The following SAMD4A variants were observed in gnomAD, a reference collection of about 807,000 sequenced individuals.
SAMD4A encodes the protein protein Smaug homolog 1.
In SAMD4A, 33 loss-of-function variants were observed where a neutral mutation model predicts 81.3. The ratio of observed to expected loss-of-function variants is 0.41; its 90% CI spans 0.31 to 0.54. The LOEUF (loss-of-function observed/expected upper bound fraction) is 0.54. Among genes scored for constraint, SAMD4A ranks in the 20% least tolerant of loss-of-function variants. The pLI is 0.37. For missense variants in SAMD4A, 854 were observed against 951.1 expected (o/e 0.90, Z 1.34); for synonymous variants, 389 against 382.1 (o/e 1.02, Z -0.21).
At chr14:54,661,365 A>G (rs925898724) in intron 2 of SAMD4A, among the ~76,000 whole-genome samples, 5 of 152,188 alleles carry the variant, frequency 3.3e-5, no homozygotes, top group African/African-American at 9.7e-5. Context: ...TTATTCCCAA[A>G]GAGTTCGAAG....
chr14:54,586,147 C>T (rs112595337), intron 2 of SAMD4A, among the ~76,000 whole-genome samples: 44 of 152,124 alleles, frequency 2.9e-4, no homozygotes, highest in Middle Eastern at 6.8e-3. Context: ...GAGATGGTAT[C>T]GCATTGTGGT....
At chr14:54,655,357 T>G (rs193116755) in intron 2 of SAMD4A, among the ~76,000 whole-genome samples, 2 of 152,256 alleles carry the variant, frequency 1.3e-5, no homozygotes, top group East Asian at 3.9e-4. Context: ...TTTATTCCAG[T>G]CAAGTTAAGG....
chr14:54,686,641 T>C (rs1356235930), intron 2 of SAMD4A, among the ~76,000 whole-genome samples: 1 of 151,798 alleles, frequency 6.6e-6, no homozygotes, highest in Non-Finnish European at 1.5e-5. Context: ...ATTATGAATG[T>C]GAAAAAAAGA....
chr14:54,601,639 A>G (rs1307036240), intron 2 of SAMD4A, among the ~76,000 whole-genome samples: 1 of 152,214 alleles, frequency 6.6e-6, no homozygotes, highest in Non-Finnish European at 1.5e-5. Context: ...GAATGGCAGG[A>G]TTAGAGTAAT....
chr14:54,764,592 G>T lies in SAMD4A; in HGVS notation c.1596+52G>T, dbSNP rs753404253. 38 of 1,199,346 alleles carry T rather than the reference G, an allele frequency of 3.2e-5. 1 individual carries two copies. The South Asian group carries it at 4.4e-4, about 14-fold the overall frequency. 74.3% of individuals were successfully genotyped at this position (1,199,346 alleles called of 1,614,324 possible). On this transcript the variant is annotated intron_variant, in intron 8 of 12. Coordinates refer to ENST00000554335, the MANE Select transcript of SAMD4A (RefSeq NM_015589.6). ...CATTTTTTTTTTATTGCTTAGAAAT[G>T]GTTCTCAGAGTTTCTGTGATGTGAT...
intron 3 of SAMD4A, among the ~76,000 whole-genome samples, chr14:54,705,110 G>A (rs1250281118): frequency 6.6e-6 from 1 of 152,196 alleles, no homozygotes; most frequent in African/African-American, 2.4e-5. Flanking sequence ...GAGGGCTGTA[G>A]TGAAGGTAAA....
At chr14:54,662,272 G>A (rs1422147038) in intron 2 of SAMD4A, among the ~76,000 whole-genome samples, 3 of 152,222 alleles carry the variant, frequency 2.0e-5, no homozygotes, top group Non-Finnish European at 4.4e-5. Context: ...CCATTTAGAT[G>A]AGACTTGAAG....
rs567831973 is a variant in SAMD4A at position 54,727,166 on chromosome 14, C to CTTTTTTTTTTTTT, written c.716-9829_716-9817dup. Among the ~76,000 whole-genome samples the CTTTTTTTTTTTTT allele has an allele frequency of 3.2e-3, 192 of 59,182 alleles. 52 individuals carry two copies. The highest frequency in any genetic ancestry group is 5.1e-3 in the Non-Finnish European group (152 of 29,780). 38.8% of individuals were successfully genotyped at this position (59,182 alleles called of 152,430 possible). A position where few individuals can be genotyped will look rare whatever the true frequency, so the allele number is the denominator to read the frequency against. ...TTATCACAACAGCCTTCTTTTTTTC[C>CTTTTTTTTTTTTT]TTTTTTTTTTTTTTTTTTTTTTTTT... On this transcript the variant is annotated intron_variant, in intron 3 of 12. Coordinates refer to ENST00000554335, the MANE Select transcript of SAMD4A (RefSeq NM_015589.6).
chr14:54,601,820 C>T (rs2034059672), intron 2 of SAMD4A, among the ~76,000 whole-genome samples: 1 of 152,146 alleles, frequency 6.6e-6, no homozygotes. Context: ...TACTCTAACC[C>T]CTCAGACACT....
chr14:54,790,488 T>G lies in SAMD4A; in HGVS notation c.*1544T>G, dbSNP rs906283424. ...GGTACCTACCACAAAGTAATAGCTC[T>G]GTTTATGAAGGGCAAGAAAGGCTAC... is the stretch of plus-strand genomic sequence containing the variant. On this transcript the variant is annotated 3_prime_UTR_variant, in exon 13 of 13. Coordinates refer to ENST00000554335, the MANE Select transcript of SAMD4A (RefSeq NM_015589.6). The G allele has an allele frequency of 6.6e-6, 1 of 152,216 alleles. No homozygotes were observed. Among genetic ancestry groups the G allele is most frequent in the African/African-American group, 2.4e-5 (1 of 41,444 alleles). The allele number at this position is 152,216 out of a possible 1,614,324, so 9.4% of individuals were successfully genotyped here.
intron 2 of SAMD4A, among the ~76,000 whole-genome samples, chr14:54,625,747 G>A (rs988607680): frequency 4.6e-5 from 7 of 152,110 alleles, no homozygotes; most frequent in African/African-American, 1.4e-4. Context: ...TCAAAATTTT[G>A]AACTCACCTT....
At chr14:54,748,723 C>A in intron 4 of SAMD4A, 92 bp from the exon 5 acceptor site, 1 of 831,120 alleles carries the variant, frequency 1.2e-6, no homozygotes, top group Non-Finnish European at 2.0e-6. Context: ...TGACCATCAC[C>A]CTCTTTTCCT....
At position 54,702,097 on chromosome 14, in the gene SAMD4A, A is replaced by G; in HGVS notation, c.232A>G (p.Lys78Glu). The G allele has an allele frequency of 6.2e-7, 1 of 1,614,152 alleles. No homozygotes were observed. Among genetic ancestry groups the G allele is most frequent in the Non-Finnish European group, 8.5e-7 (1 of 1,179,992 alleles). ...INQWQQESKD[K>E]VISLLLTHLP... is the part of the protein sequence containing the mutation. ...CCAATGGCAACAGGAATCCAAGGAT[A>G]AAGTGATTTCCCTCCTGTTAACTCA... Residue 78 changes from lysine to glutamate, a missense_variant, in exon 3 of 13, where the codon AAA (lysine) becomes GAA (glutamate). Transcript: ENST00000554335.
In SAMD4A at chr14:54,580,173, G is replaced by A. The variant is rs146083235; in HGVS notation, c.196+12061G>A. ...GGAAGAGCTGGTGTTAGATCCAGTC[G>A]CTTCCCGACTTTGACCTAGACTTTG... On this transcript the variant is annotated intron_variant, in intron 2 of 12. Coordinates refer to ENST00000554335, the MANE Select transcript of SAMD4A (RefSeq NM_015589.6). Among the ~76,000 whole-genome samples, 32 of 152,280 alleles carry A rather than the reference G, an allele frequency of 2.1e-4. No individual in the cohort carries two copies. In the East Asian group the frequency reaches 4.2e-3, roughly 20 times the overall value.
chr14:54,785,466 G>T (rs1390829695), intron 12 of SAMD4A, among the ~76,000 whole-genome samples: 1 of 152,196 alleles, frequency 6.6e-6, no homozygotes, highest in Non-Finnish European at 1.5e-5. Flanking sequence ...TTCCTGGGAG[G>T]CTCTGTGCCA....
At chr14:54,786,656 C>T (rs1277392965) in intron 12 of SAMD4A, among the ~76,000 whole-genome samples, 1 of 152,170 alleles carries the variant, frequency 6.6e-6, no homozygotes, top group Non-Finnish European at 1.5e-5. Context: ...GGAGAACTGA[C>T]CTTTTCCCCC....
chr14:54,630,774 G>T lies in SAMD4A; in HGVS notation c.196+62662G>T, dbSNP rs187454935. 5.9e-5 allele frequency among the ~76,000 whole-genome samples: 9 copies of T among 151,898 alleles called. No individual in the cohort carries two copies. The East Asian group carries it at 1.7e-3, about 29-fold the overall frequency. On this transcript the variant is annotated intron_variant, in intron 2 of 12. Transcript: ENST00000554335. ...GAGGAAGCAACATGTATTAGTCAGGGTTCTCCAGAGAAAAAGAGCCAATAG... is the reference window on the plus strand; with the variant it reads ...GAGGAAGCAACATGTATTAGTCAGGTTTCTCCAGAGAAAAAGAGCCAATAG...
At position 54,600,083 on chromosome 14, in the gene SAMD4A, G is replaced by A. The variant is rs2034014933; in HGVS notation, c.196+31971G>A. Among the ~76,000 whole-genome samples the A allele has an allele frequency of 1.3e-5, 2 of 152,118 alleles. 1 individual carries two copies. Among genetic ancestry groups the A allele is most frequent in the South Asian group, 4.1e-4 (2 of 4,826 alleles). On this transcript the variant is annotated intron_variant, in intron 2 of 12. Coordinates refer to ENST00000554335, the MANE Select transcript of SAMD4A (RefSeq NM_015589.6). ...TGGAGTGAGTAATGACAACCTTTTG[G>A]CAGATCAAATTTCAGTTTTAGAATT...
rs139399756 is a variant in SAMD4A, at chr14:54,580,917, G to T, written c.196+12805G>T. Among the ~76,000 whole-genome samples the T allele has an allele frequency of 3.6e-3, 552 of 152,294 alleles. 2 individuals carry two copies. Among genetic ancestry groups the T allele is most frequent in the African/African-American group, 0.012 (518 of 41,564 alleles). Reference sequence around the variant, plus strand: ...AATCCACAAGGGGTTTACCATCTAGGTTGTGAGATAAATCTAAGTGCATAC... The same window carrying T: ...AATCCACAAGGGGTTTACCATCTAGTTTGTGAGATAAATCTAAGTGCATAC... On this transcript the variant is annotated intron_variant, in intron 2 of 12. Coordinates refer to ENST00000554335, the MANE Select transcript of SAMD4A (RefSeq NM_015589.6).
Sources: allele counts gnomAD v4.1 joint callset (sites outside exome capture counted in the v4.1 genomes callset), GRCh38; gene constraint gnomAD v4.1.1; transcripts MANE v1.5; gene names NCBI Gene and HGNC (gene_info 2026-07-23, HGNC 2026-07-21).